PDE4D: variants seen among roughly 807,000 people sequenced by gnomAD.
PDE4D encodes the protein phosphodiesterase 4D.
In PDE4D, 24 loss-of-function variants were observed where a neutral mutation model predicts 87.4. That is an observed-to-expected ratio of 0.27 (90% CI 0.20 to 0.39). The LOEUF is 0.39. Ranked by LOEUF, PDE4D falls within the 10% of genes least tolerant of loss-of-function variation. The pLI is 1.00. For synonymous variants in PDE4D, 384 were observed against 383.2 expected (o/e 1.00, Z -0.02); for missense variants, 714 against 1,041.0 (o/e 0.69, Z 4.32).
intron 1 of PDE4D, chr5:60,185,724 T>A (rs1030082102): frequency 3.3e-6 from 2 of 600,076 alleles, no homozygotes; most frequent in African/African-American, 1.8e-5. Context: ...AATCAAGTTA[T>A]GATTAACACT....
chr5:59,489,209 G>A (rs913563845), intron 1 of PDE4D, among the ~76,000 whole-genome samples: 23 of 150,436 alleles, frequency 1.5e-4, no homozygotes, highest in Non-Finnish European at 3.1e-4. Context: ...AGGTTGCAGT[G>A]AGCCAAGATC....
At chr5:60,452,972 A>G (rs1398677503) in intron 1 of PDE4D, among the ~76,000 whole-genome samples, 1 of 152,138 alleles carries the variant, frequency 6.6e-6, no homozygotes, top group Middle Eastern at 3.2e-3. Context: ...ATGGAAAGTG[A>G]GAGAACCTTA....
At chr5:59,588,075 A>G (rs772121880) in intron 1 of PDE4D, among the ~76,000 whole-genome samples, 1 of 152,096 alleles carries the variant, frequency 6.6e-6, no homozygotes, top group Non-Finnish European at 1.5e-5. Flanking sequence ...CCACATGGTG[A>G]TTTTTGGACA....
chr5:59,195,332 G>A (rs1223418649), intron 2 of PDE4D, among the ~76,000 whole-genome samples: 1 of 152,176 alleles, frequency 6.6e-6, no homozygotes, highest in East Asian at 1.9e-4. Flanking sequence ...ATGGCCCAGG[G>A]TAGGAGCAGG....
chr5:59,167,316 A>G (rs1001792772), intron 5 of PDE4D, among the ~76,000 whole-genome samples: 3 of 152,068 alleles, frequency 2.0e-5, no homozygotes, highest in Non-Finnish European at 4.4e-5. Context: ...AATGTTTGAG[A>G]TTTTTTTCTA....
At chr5:59,308,234 A>G (rs1382224849) in intron 1 of PDE4D, among the ~76,000 whole-genome samples, 2 of 151,530 alleles carry the variant, frequency 1.3e-5, no homozygotes, top group Admixed American at 6.6e-5. Flanking sequence ...AGGGGGAGGG[A>G]TAGCATTAGG....
intron 1 of PDE4D, among the ~76,000 whole-genome samples, chr5:59,380,387 TCA>T (rs1491508961): frequency 8.6e-4 from 18 of 20,820 alleles, no homozygotes; most frequent in African/African-American, 3.7e-3. Flanking sequence ...CCAAAAGCAA[TCA>T]AAAAAAAAAA....
At chr5:59,361,891 A>G (rs986215137) in intron 1 of PDE4D, among the ~76,000 whole-genome samples, 1 of 152,212 alleles carries the variant, frequency 6.6e-6, no homozygotes, top group Non-Finnish European at 1.5e-5. Context: ...AAATTTCAGA[A>G]CAGGTAATTT....
At chr5:59,794,454 C>T (rs1017401785) in intron 1 of PDE4D, among the ~76,000 whole-genome samples, 1 of 152,022 alleles carries the variant, frequency 6.6e-6, no homozygotes, top group African/African-American at 2.4e-5. Flanking sequence ...TGGTGCTTCC[C>T]GGCAGCCTGC....
intron 1 of PDE4D, among the ~76,000 whole-genome samples, chr5:59,854,032 T>G (rs1745052523): frequency 6.6e-6 from 1 of 152,076 alleles, no homozygotes; most frequent in Non-Finnish European, 1.5e-5. Flanking sequence ...GGATAACTTC[T>G]CAAAAGTATA....
intron 1 of PDE4D, among the ~76,000 whole-genome samples, chr5:59,839,483 ATTCAATTTTGCTT>A (rs1742657778): frequency 6.6e-6 from 1 of 151,076 alleles, no homozygotes; most frequent in Admixed American, 6.6e-5. Flanking sequence ...TTTCCTTACC[ATTCAATTTTGCTT>A]TTGGAGGAAA....
At chr5:58,998,906 T>C (rs1749831783) in intron 6 of PDE4D, among the ~76,000 whole-genome samples, 1 of 152,212 alleles carries the variant, frequency 6.6e-6, no homozygotes. Flanking sequence ...TTGAATTGTT[T>C]ATTAATTCAT....
intron 1 of PDE4D, among the ~76,000 whole-genome samples, chr5:60,256,057 T>C (rs1749014820): frequency 6.6e-6 from 1 of 151,942 alleles, no homozygotes; most frequent in Non-Finnish European, 1.5e-5. Context: ...AATTTAATTT[T>C]ACAAATAAAA....
intron 1 of PDE4D, among the ~76,000 whole-genome samples, chr5:59,848,961 T>A (rs1561761676): frequency 6.6e-6 from 1 of 151,964 alleles, no homozygotes; most frequent in African/African-American, 2.4e-5. Flanking sequence ...TGGAAGGGAA[T>A]ACCCAGGCAC....
chr5:60,394,855 T>A (rs528250140), intron 1 of PDE4D, among the ~76,000 whole-genome samples: 1 of 152,212 alleles, frequency 6.6e-6, no homozygotes, highest in Non-Finnish European at 1.5e-5. Flanking sequence ...TACATTAATA[T>A]CCTCTCATCT....
chr5:58,985,917 AAACT>A (rs568467633), intron 11 of PDE4D, among the ~76,000 whole-genome samples: 79 of 152,246 alleles, frequency 5.2e-4, no homozygotes, highest in Non-Finnish European at 8.8e-4. Flanking sequence ...TAGCCAAACC[AAACT>A]AACTAAGGCT....
At chr5:59,866,680 A>T (rs182195554) in intron 1 of PDE4D, among the ~76,000 whole-genome samples, 1 of 152,280 alleles carries the variant, frequency 6.6e-6, no homozygotes, top group East Asian at 1.9e-4. Flanking sequence ...AAAGGAAAGT[A>T]CATGAAGATG....
At chr5:59,375,061 A>G (rs1784498451) in intron 1 of PDE4D, among the ~76,000 whole-genome samples, 1 of 152,212 alleles carries the variant, frequency 6.6e-6, no homozygotes, top group African/African-American at 2.4e-5. Context: ...TTATAGCATG[A>G]AATGCCCAAA....
intron 1 of PDE4D, among the ~76,000 whole-genome samples, chr5:59,302,502 A>G (rs557766900): frequency 7.8e-4 from 118 of 151,822 alleles, no homozygotes; most frequent in Non-Finnish European, 1.4e-3. Flanking sequence ...ACTGCACCAT[A>G]TTTGTAATCT....
Sources: gnomAD v4.1 joint callset for allele counts (sites outside exome capture counted in the v4.1 genomes callset) on GRCh38, gnomAD v4.1.1 for gene constraint, MANE v1.5 for transcripts, NCBI Gene and HGNC (gene_info 2026-07-23, HGNC 2026-07-21) for gene names.